The following PTPRQ variants were observed in gnomAD, a reference collection of about 807,000 sequenced individuals.
PTPRQ encodes protein tyrosine phosphatase receptor type Q, also known as phosphatidylinositol phosphatase PTPRQ.
In PTPRQ, 199 loss-of-function variants were observed where a neutral mutation model predicts 246.0. The ratio of observed to expected loss-of-function variants is 0.81; its 90% CI spans 0.72 to 0.91. The LOEUF (loss-of-function observed/expected upper bound fraction) is 0.91, where lower values mean the gene tolerates loss of function less well. Among genes scored for constraint, PTPRQ ranks in the 40% least tolerant of loss-of-function variants. The pLI, the probability that PTPRQ is intolerant of heterozygous loss-of-function variation, is 0.00. For synonymous variants in PTPRQ, 869 were observed against 853.2 expected, an observed-to-expected ratio of 1.02 and a Z score of -0.32; for missense variants, 2,624 against 2,528.4, an observed-to-expected ratio of 1.04 and a Z score of -0.81.
At chr12:80,621,921 T>C (rs1010245792) in intron 32 of PTPRQ, 140 bp from the exon 33 acceptor site, 6 of 560,492 alleles carry the variant, frequency 1.1e-5, no homozygotes, top group Non-Finnish European at 1.4e-5. Flanking sequence ...CTCCTGATGA[T>C]GATTCCATTC....
At chr12:80,548,764 G>A (rs968535903) in intron 24 of PTPRQ, among the ~76,000 whole-genome samples, 21 of 151,976 alleles carry the variant, frequency 1.4e-4, no homozygotes, top group African/African-American at 4.8e-4. Flanking sequence ...ACATTTCTGT[G>A]GGAAGTAACC....
chr12:80,538,921 C>G (rs180705481), intron 19 of PTPRQ, among the ~76,000 whole-genome samples: 1 of 152,120 alleles, frequency 6.6e-6, no homozygotes, highest in Admixed American at 6.5e-5. Flanking sequence ...ATCCAGGATA[C>G]CCTGACAGAA....
chr12:80,571,079 C>T (rs890882055), intron 25 of PTPRQ, among the ~76,000 whole-genome samples: 2 of 152,012 alleles, frequency 1.3e-5, no homozygotes, highest in African/African-American at 2.4e-5. Context: ...TTTTTTGGTT[C>T]CATATGAAAT....
intron 25 of PTPRQ, among the ~76,000 whole-genome samples, chr12:80,579,249 C>G (rs988156751): frequency 6.6e-6 from 1 of 152,114 alleles, no homozygotes; most frequent in Non-Finnish European, 1.5e-5. Flanking sequence ...TTCTCTGTCA[C>G]CTACTGTAGT....
chr12:80,531,464 T>C (rs1390916115), intron 17 of PTPRQ, among the ~76,000 whole-genome samples: 1 of 152,210 alleles, frequency 6.6e-6, no homozygotes, highest in Non-Finnish European at 1.5e-5. Context: ...ACGAATTTCC[T>C]ACACAGGGTT....
Position 80,678,725 on chromosome 12 carries a change from G to A in PTPRQ, c.6862G>A (p.Gly2288Ser), listed in dbSNP as rs1162330945. ...GATGGACTCTTTGGACGCCATGGAA[G>A]GTAAACAGAAACAACAGTATATGCC... ...QKMDSLDAME[G>S]DVELEWEETT... The change falls in exon 44 of 45, where the codon GGT becomes AGT. Residue 2288 changes from glycine (G) to serine (S), a missense_variant and splice_region_variant. Coordinates refer to ENST00000644991, the MANE Select transcript of PTPRQ (RefSeq NM_001145026.2). 3.9e-6 allele frequency: 6 copies of A among 1,547,194 alleles called. No homozygotes were observed. Among genetic ancestry groups the A allele is most frequent in the Non-Finnish European group, 4.4e-6 (5 of 1,144,850 alleles).
At chr12:80,551,663 T>A (rs887990507) in intron 25 of PTPRQ, among the ~76,000 whole-genome samples, 1 of 152,164 alleles carries the variant, frequency 6.6e-6, no homozygotes, top group African/African-American at 2.4e-5. Context: ...AATATTTTGC[T>A]CATTCTCATT....
At chr12:80,512,821 G>T (rs1031898106) in intron 17 of PTPRQ, 1 of 151,988 alleles carries the variant, frequency 6.6e-6, no homozygotes, top group Non-Finnish European at 1.5e-5. Flanking sequence ...ATTTTCTGAG[G>T]TAGTCTGGGT....
rs116044059 is a variant in PTPRQ at position 80,536,276 on chromosome 12, T to C, written c.2985+1239T>C. On this transcript the variant is annotated intron_variant, in intron 19 of 44. Coordinates refer to ENST00000644991, the MANE Select transcript of PTPRQ (RefSeq NM_001145026.2). ...TAAGTCTTACAAATTCTGAGTTACC[T>C]AATCCCATTTGTGACTGACAGCCCA... 7.9e-3 allele frequency among the ~76,000 whole-genome samples: 1,208 copies of C among 152,326 alleles called. 16 individuals are homozygous for C. The highest frequency in any genetic ancestry group is 0.028 in the African/African-American group (1,149 of 41,584).
chr12:80,670,684 ACT>A (rs1397586452), intron 42 of PTPRQ, among the ~76,000 whole-genome samples, 192 bp downstream of exon 42: 1 of 152,028 alleles, frequency 6.6e-6, no homozygotes, highest in Non-Finnish European at 1.5e-5. Flanking sequence ...ACCAGTCTTG[ACT>A]CGAGTCTTTT....
intron 35 of PTPRQ, among the ~76,000 whole-genome samples, chr12:80,640,927 T>A (rs1475678030): frequency 1.3e-5 from 2 of 152,202 alleles, no homozygotes; most frequent in Non-Finnish European, 2.9e-5. Flanking sequence ...TAGATTCCTG[T>A]ACAGGCTTCT....
Position 80,535,226 on chromosome 12 carries a change from G to GAC in PTPRQ, c.2985+209_2985+210dup, listed in dbSNP as rs5799482. Among the ~76,000 whole-genome samples the GAC allele has an allele frequency of 1.5e-4, 23 of 151,312 alleles. No individual in the cohort carries two copies. The East Asian group carries it at 3.1e-3, about 21-fold the overall frequency. ...CAGATACATTTAATCTCTCTTTACA[G>GAC]ACACACACACACACACACACATACA... On this transcript the variant is annotated intron_variant, in intron 19 of 44. Coordinates refer to ENST00000644991, the MANE Select transcript of PTPRQ (RefSeq NM_001145026.2).
At position 80,444,836 on chromosome 12, in the gene PTPRQ, A is replaced by T; in HGVS notation, c.150A>T (p.Thr50=). 2.0e-6 allele frequency: 3 copies of T among 1,520,710 alleles called. No individual in the cohort carries two copies. Among genetic ancestry groups the T allele is most frequent in the Non-Finnish European group, 2.7e-6 (3 of 1,125,892 alleles). The allele number at this position is 1,520,710 out of a possible 1,614,324, so 94.2% of individuals were successfully genotyped here. ...TYTSPVTRIV[T]TNVTKPGPPV... is the part of the protein sequence containing the mutation. Reference sequence around the variant, plus strand: ...CCTCACCTGTTACTAGAATAGTGACAACAAATGTAACAAGTGAGTATATGT... The same window carrying T: ...CCTCACCTGTTACTAGAATAGTGACTACAAATGTAACAAGTGAGTATATGT... The change falls in exon 2 of 45, where the codon ACA becomes ACT. Residue 50 remains threonine, a synonymous_variant. Coordinates refer to ENST00000644991, the MANE Select transcript of PTPRQ (RefSeq NM_001145026.2).
intron 6 of PTPRQ, chr12:80,462,810 T>C (rs1442629770): frequency 7.0e-6 from 1 of 143,394 alleles, no homozygotes; most frequent in Non-Finnish European, 1.5e-5. Flanking sequence ...GAGGGTCCTG[T>C]CTGTTAGGAG....
At chr12:80,552,601 G>A (rs1300404013) in intron 25 of PTPRQ, among the ~76,000 whole-genome samples, 2 of 126,000 alleles carry the variant, frequency 1.6e-5, no homozygotes, top group East Asian at 2.4e-4. Context: ...ACCTGATGTA[G>A]AGCCACCTAA....
intron 1 of PTPRQ, 148 bp from the exon 2 acceptor site, chr12:80,444,593 T>G: frequency 2.8e-6 from 2 of 710,768 alleles, no homozygotes; most frequent in South Asian, 1.8e-5. Flanking sequence ...TATTTGTATC[T>G]TACAATAATA....
At chr12:80,540,391 A>G (rs1592631682) in intron 20 of PTPRQ, among the ~76,000 whole-genome samples, 1 of 152,112 alleles carries the variant, frequency 6.6e-6, no homozygotes, top group East Asian at 1.9e-4. Flanking sequence ...CCTTAACTCC[A>G]GAAGTTTCTC....
At chr12:80,483,330 A>T (rs1367225684) in intron 8 of PTPRQ, among the ~76,000 whole-genome samples, 2 of 138,984 alleles carry the variant, frequency 1.4e-5, no homozygotes, top group East Asian at 4.5e-4. Context: ...GAACAATGAG[A>T]TCACATGGAC....
In PTPRQ at chr12:80,506,095, C is replaced by T; in HGVS notation, c.2344C>T (p.Pro782Ser). The change falls in exon 15 of 45, where the codon CCC (proline) becomes TCC (serine). Residue 782 changes from proline (P) to serine (S), a missense_variant. Coordinates refer to ENST00000644991, the MANE Select transcript of PTPRQ (RefSeq NM_001145026.2). ...SSGEIELSFL[P>S]PSSPNGIIQK... is the part of the protein sequence containing the mutation. ...TGGAGAGATTGAGCTATCATTCCTT[C>T]CCCCAAGTAGTCCCAATGGAATCAT... 1.9e-6 allele frequency: 3 copies of T among 1,545,014 alleles called. No homozygotes were observed. The highest frequency in any genetic ancestry group is 1.2e-5 in the South Asian group (1 of 82,060).
Sources: allele counts gnomAD v4.1 joint callset (sites outside exome capture counted in the v4.1 genomes callset), GRCh38; gene constraint gnomAD v4.1.1; transcripts MANE v1.5; gene names NCBI Gene and HGNC (gene_info 2026-07-23, HGNC 2026-07-21).